The following SPMIP3 variants were observed in gnomAD, a reference collection of about 807,000 sequenced individuals.
The protein encoded by SPMIP3 is protein SPMIP3.
chr1:244,378,087 G>A, the SPMIP3 span, among the ~76,000 whole-genome samples: 4 of 152,124 alleles, frequency 2.6e-5, no homozygotes, highest in Non-Finnish European at 5.9e-5. Context: ...GATTACAGGC[G>A]TGAGCCACCA....
chr1:244,369,371 T>C, the SPMIP3 span, among the ~76,000 whole-genome samples: 1 of 136,636 alleles, frequency 7.3e-6, no homozygotes, highest in Non-Finnish European at 1.5e-5. Flanking sequence ...CTTTTAAAAC[T>C]TTGATCGAAA....
At chr1:244,380,724 T>C in the SPMIP3 span, among the ~76,000 whole-genome samples, 1 of 152,068 alleles carries the variant, frequency 6.6e-6, no homozygotes, top group African/African-American at 2.4e-5. Context: ...TTAAAGAGTG[T>C]CTCTTTCCAT....
At chr1:244,383,278 G>A in the SPMIP3 span, among the ~76,000 whole-genome samples, 5 of 152,136 alleles carry the variant, frequency 3.3e-5, no homozygotes, top group Admixed American at 6.6e-5. Flanking sequence ...TTGGGGGACC[G>A]AGGTGGGAGG....
the SPMIP3 span, among the ~76,000 whole-genome samples, chr1:244,360,395 A>T: frequency 6.6e-6 from 1 of 152,152 alleles, no homozygotes; most frequent in Non-Finnish European, 1.5e-5. Context: ...GGAAATTGTT[A>T]TATCAAAGAG....
chr1:244,378,718 TGTC>T, the SPMIP3 span: 2 of 1,450,890 alleles, frequency 1.4e-6, no homozygotes, highest in African/African-American at 2.8e-5. Flanking sequence ...GTAGGCTTGC[TGTC>T]TCAGGGAGCC....
At chr1:244,358,807 G>A in the SPMIP3 span, among the ~76,000 whole-genome samples, 1 of 152,104 alleles carries the variant, frequency 6.6e-6, no homozygotes, top group East Asian at 1.9e-4. Flanking sequence ...CTGAGTGAAT[G>A]GTAGGGCAAG....
At chr1:244,359,762 T>G in the SPMIP3 span, among the ~76,000 whole-genome samples, 2 of 150,644 alleles carry the variant, frequency 1.3e-5, no homozygotes, top group African/African-American at 4.9e-5. Context: ...GCAAAAAATC[T>G]GAATAGACAT....
the SPMIP3 span, among the ~76,000 whole-genome samples, chr1:244,361,515 C>T: frequency 1.3e-5 from 2 of 152,174 alleles, no homozygotes; most frequent in African/African-American, 4.8e-5. Context: ...AGGCGTGAGC[C>T]ACCGCGCCCG....
chr1:244,373,846 G>A, the SPMIP3 span, among the ~76,000 whole-genome samples: 1 of 152,156 alleles, frequency 6.6e-6, no homozygotes, highest in African/African-American at 2.4e-5. Context: ...GGGTGCAGTG[G>A]CTCATGCCTG....
At chr1:244,376,764 A>T in the SPMIP3 span, among the ~76,000 whole-genome samples, 2 of 152,170 alleles carry the variant, frequency 1.3e-5, no homozygotes, top group Admixed American at 6.6e-5. Context: ...AACTTAATGT[A>T]TCGTGGACTT....
the SPMIP3 span, among the ~76,000 whole-genome samples, chr1:244,361,235 C>CTTTCTTTTTTTTTTT: frequency 8.4e-6 from 1 of 119,314 alleles, no homozygotes; most frequent in African/African-American, 3.0e-5. Flanking sequence ...TTCTTTCTTT[C>CTTTCTTTTTTTTTTT]TTTTTTTTTT....
chr1:244,356,848 T>C, the SPMIP3 span, among the ~76,000 whole-genome samples: 1 of 152,114 alleles, frequency 6.6e-6, no homozygotes, highest in Non-Finnish European at 1.5e-5. Flanking sequence ...CTAATTATTA[T>C]CTTTGACCTG....
At chr1:244,364,977 T>C in the SPMIP3 span, among the ~76,000 whole-genome samples, 21 of 152,172 alleles carry the variant, frequency 1.4e-4, no homozygotes, top group Non-Finnish European at 1.8e-4. Context: ...CAAATCCAGT[T>C]TCTTACAAAG....
the SPMIP3 span, among the ~76,000 whole-genome samples, chr1:244,372,402 A>C: frequency 6.6e-6 from 1 of 151,830 alleles, no homozygotes; most frequent in African/African-American, 2.4e-5. Context: ...ATTTAGTGAG[A>C]TACGTTATGC....
At chr1:244,381,350 C>T in the SPMIP3 span, among the ~76,000 whole-genome samples, 1 of 152,148 alleles carries the variant, frequency 6.6e-6, no homozygotes. Context: ...TCCAAAGTGA[C>T]CTTCAACAGG....
the SPMIP3 span, among the ~76,000 whole-genome samples, chr1:244,353,417 C>A: frequency 2.0e-5 from 3 of 152,172 alleles, no homozygotes; most frequent in Non-Finnish European, 2.9e-5. Flanking sequence ...CAACAAAAAA[C>A]CCAGATGTCT....
chr1:244,373,887 G>C, the SPMIP3 span, among the ~76,000 whole-genome samples: 1 of 152,032 alleles, frequency 6.6e-6, no homozygotes, highest in African/African-American at 2.4e-5. Flanking sequence ...GCCAAGGTGG[G>C]CGGATCACTT....
the SPMIP3 span, among the ~76,000 whole-genome samples, chr1:244,362,486 T>A: frequency 2.0e-5 from 3 of 152,206 alleles, no homozygotes; most frequent in Non-Finnish European, 4.4e-5. Context: ...AGTTAATACA[T>A]GTTACCTGGT....
At chr1:244,378,335 A>G in the SPMIP3 span, 1 of 864,352 alleles carries the variant, frequency 1.2e-6, no homozygotes, top group African/African-American at 1.7e-5. Context: ...GGCTGGTCGC[A>G]GAGCTGTGGG....
Sources: allele counts gnomAD v4.1 joint callset (sites outside exome capture counted in the v4.1 genomes callset), GRCh38; gene constraint gnomAD v4.1.1; transcripts MANE v1.5; gene names NCBI Gene and HGNC (gene_info 2026-07-23, HGNC 2026-07-21).